EFR3B: variants seen among roughly 807,000 people sequenced by gnomAD.
EFR3B encodes protein EFR3 homolog B.
In EFR3B, 64 loss-of-function variants were observed where a neutral mutation model predicts 104.7. The ratio of observed to expected loss-of-function variants is 0.61; its 90% CI spans 0.50 to 0.75. EFR3B has a LOEUF of 0.75. Among genes scored for constraint, EFR3B ranks in the 30% least tolerant of loss-of-function variants. The probability of loss-of-function intolerance (pLI) is 0.00; values close to 1 mark genes in which losing one functional copy is unlikely to be tolerated. For synonymous variants in EFR3B, 385 were observed against 417.9 expected (o/e 0.92, Z 0.96); for missense variants, 750 against 1,078.5 (o/e 0.70, Z 4.27).
chr2:25,061,770 A>T (rs574298635), intron 1 of EFR3B, among the ~76,000 whole-genome samples: 14 of 152,044 alleles, frequency 9.2e-5, no homozygotes, highest in Non-Finnish European at 1.8e-4. Context: ...TGCTGGGATT[A>T]TAGGCGTGAG....
In EFR3B at chr2:25,131,350, C is replaced by T. The variant is rs1467205769; in HGVS notation, c.850-18C>T. ...CCGTGGGGTTGCTGTCCAGGCCCAGCTCATCTTCCTCCCGCAGCCGCAGCA... is the reference window on the plus strand; with the variant it reads ...CCGTGGGGTTGCTGTCCAGGCCCAGTTCATCTTCCTCCCGCAGCCGCAGCA... On this transcript the variant is annotated intron_variant, in intron 8 of 22. Transcript: ENST00000403714. The surrounding 1 kb of genome is among the most constrained non-coding windows in gnomAD (Gnocchi z 7.6). The T allele has an allele frequency of 3.2e-6, 5 of 1,548,838 alleles. No individual in the cohort carries two copies. The highest frequency in any genetic ancestry group is 3.5e-6 in the Non-Finnish European group (4 of 1,145,768).
At chr2:25,121,154 G>A (rs559869475) in intron 4 of EFR3B, among the ~76,000 whole-genome samples, 165 of 152,140 alleles carry the variant, frequency 1.1e-3, no homozygotes, top group African/African-American at 3.9e-3. Context: ...CACCTGCCTC[G>A]GCCTCCCAAA....
At chr2:25,141,522 A>G in intron 17 of EFR3B, 89 bp downstream of exon 17, 1 of 1,386,020 alleles carries the variant, frequency 7.2e-7, no homozygotes, top group Non-Finnish European at 9.8e-7. Context: ...GGTCAATGCC[A>G]GGAGGCTCAG....
chr2:25,072,387 C>T (rs1293835714), intron 1 of EFR3B, among the ~76,000 whole-genome samples: 2 of 152,104 alleles, frequency 1.3e-5, no homozygotes, highest in African/African-American at 4.8e-5. Flanking sequence ...TTCAAGTGAT[C>T]CTCCAACCTC....
intron 1 of EFR3B, among the ~76,000 whole-genome samples, chr2:25,071,518 C>T (rs1355991035): frequency 6.6e-6 from 1 of 152,170 alleles, no homozygotes; most frequent in African/African-American, 2.4e-5. Flanking sequence ...CTCGGCCTCC[C>T]AAAGTGCTGG....
chr2:25,105,198 G>A (rs569543751), intron 4 of EFR3B, among the ~76,000 whole-genome samples: 193 of 152,052 alleles, frequency 1.3e-3, no homozygotes, highest in Non-Finnish European at 2.4e-3. Flanking sequence ...TGTCACCTAG[G>A]CTGGAGTGCA....
intron 1 of EFR3B, among the ~76,000 whole-genome samples, chr2:25,084,152 A>T (rs779178848): frequency 3.3e-5 from 5 of 152,154 alleles, no homozygotes; most frequent in Non-Finnish European, 7.4e-5. Flanking sequence ...TAAAATGAGG[A>T]TAAAAATAGT....
intron 1 of EFR3B, among the ~76,000 whole-genome samples, chr2:25,074,380 A>G (rs1668576773): frequency 6.6e-6 from 1 of 152,072 alleles, no homozygotes; most frequent in Non-Finnish European, 1.5e-5. Flanking sequence ...ACCCTGGCCA[A>G]TATGGCAAAA....
chr2:25,133,131 C>A, intron 11 of EFR3B, 117 bp downstream of exon 11: 1 of 1,022,398 alleles, frequency 9.8e-7, no homozygotes, highest in East Asian at 2.6e-5. Flanking sequence ...TTTTTACTCC[C>A]AAATCCCTCA....
Position 25,129,871 on chromosome 2 carries a change from ATTCCTGCTTGTC to A in EFR3B, c.636-101_636-90del, listed in dbSNP as rs1200790255. On this transcript the variant is annotated intron_variant, in intron 6 of 22. Transcript: ENST00000403714. ...TATTGCCTAGTGCAACCCATGTCAA[ATTCCTGCTTGTC>A]TTGTGTGGATGAAACACGGAAAGCC... The A allele has an allele frequency of 5.5e-5, 79 of 1,448,646 alleles. No individual in the cohort carries two copies. The African/African-American group carries it at 8.7e-4, about 16-fold the overall frequency. 89.7% of individuals were successfully genotyped at this position (1,448,646 alleles called of 1,614,324 possible).
chr2:25,113,658 ACT>A (rs1669784384), intron 4 of EFR3B, among the ~76,000 whole-genome samples: 1 of 147,358 alleles, frequency 6.8e-6, no homozygotes, highest in Non-Finnish European at 1.5e-5. Flanking sequence ...ACAGAGTGAG[ACT>A]CTGTCTCAAA....
intron 18 of EFR3B, 107 bp downstream of exon 18, chr2:25,143,969 T>C: frequency 7.1e-7 from 1 of 1,398,702 alleles, no homozygotes; most frequent in South Asian, 1.5e-5. Context: ...GTGAGGCACC[T>C]TGGATGTCGT....
chr2:25,124,130 T>C (rs1670096362), intron 5 of EFR3B, among the ~76,000 whole-genome samples: 2 of 152,204 alleles, frequency 1.3e-5, no homozygotes, highest in South Asian at 4.1e-4. Flanking sequence ...TCAGCCTTTT[T>C]AGACTCAGCT....
chr2:25,141,519 G>T, intron 17 of EFR3B, 86 bp downstream of exon 17: 1 of 1,410,596 alleles, frequency 7.1e-7, no homozygotes, highest in Non-Finnish European at 9.6e-7. Flanking sequence ...AGGGGTCAAT[G>T]CCAGGAGGCT....
At chr2:25,147,268 A>G (rs1268353339) in intron 19 of EFR3B, 2 of 152,200 alleles carry the variant, frequency 1.3e-5, no homozygotes, top group Non-Finnish European at 2.9e-5. Flanking sequence ...TGAATATCCA[A>G]TGTTGCTCGG....
Position 25,051,990 on chromosome 2 carries a change from G to A in EFR3B, c.7+9671G>A, listed in dbSNP as rs1667884696. On this transcript the variant is annotated intron_variant, in intron 1 of 22. Coordinates refer to ENST00000403714, the MANE Select transcript of EFR3B (RefSeq NM_014971.2). ...GTGGGTGGATCACCTGAGGTCAGGA[G>A]TTCAGGACCAACCTGGCCAAAATGG... is the stretch of plus-strand genomic sequence containing the variant. 2.6e-5 allele frequency among the ~76,000 whole-genome samples: 4 copies of A among 151,082 alleles called. No individual in the cohort carries two copies. The South Asian group carries it at 8.3e-4, about 32-fold the overall frequency.
intron 3 of EFR3B, among the ~76,000 whole-genome samples, chr2:25,095,158 A>G (rs1309078853): frequency 2.0e-5 from 3 of 152,200 alleles, no homozygotes; most frequent in Non-Finnish European, 4.4e-5. Context: ...GTTATTTATA[A>G]TAATGAAAAA....
chr2:25,153,605 T>C (rs1671075463), intron 21 of EFR3B, 107 bp from the exon 22 acceptor site: 1 of 1,124,676 alleles, frequency 8.9e-7, no homozygotes, highest in African/African-American at 1.5e-5. Flanking sequence ...TTCCTAAGGC[T>C]GTGGCTGCCC....
chr2:25,145,750 A>G (rs2149212219), intron 19 of EFR3B: 1 of 152,350 alleles, frequency 6.6e-6, no homozygotes, highest in East Asian at 1.9e-4. Context: ...CTATTTTTAA[A>G]GCAATTTTAG....
Sources: gnomAD v4.1 joint callset for allele counts (sites outside exome capture counted in the v4.1 genomes callset) on GRCh38, gnomAD v4.1.1 for gene constraint, Gnocchi (gnomAD v3.1) non-coding constraint, MANE v1.5 for transcripts, NCBI Gene and HGNC (gene_info 2026-07-23, HGNC 2026-07-21) for gene names.